Variants in ZNF765 observed in about 807,000 individuals in gnomAD.
The protein encoded by ZNF765 is zinc finger protein 765.
ZNF765 carries 37 observed loss-of-function variants against 44.7 expected under a neutral mutation model. The ratio of observed to expected loss-of-function variants is 0.83; its 90% CI spans 0.64 to 1.09. ZNF765 has a LOEUF of 1.09. Ranked by LOEUF, ZNF765 falls within the 50% of genes least tolerant of loss-of-function variation. ZNF765 has a pLI of 0.00. For missense variants in ZNF765, 594 were observed against 626.1 expected (o/e 0.95, Z 0.55); for synonymous variants, 201 against 213.7 (o/e 0.94, Z 0.52).
intron 3 of ZNF765, among the ~76,000 whole-genome samples, chr19:53,402,898 T>C (rs1429415823): frequency 2.0e-5 from 3 of 152,106 alleles, no homozygotes; most frequent in African/African-American, 7.2e-5. Flanking sequence ...TATGTGCAGC[T>C]GGGCATGGTG....
intron 3 of ZNF765, among the ~76,000 whole-genome samples, chr19:53,419,489 T>C (rs537036676): frequency 1.3e-5 from 2 of 152,288 alleles, no homozygotes; most frequent in East Asian, 3.9e-4. Flanking sequence ...AGGCAACATT[T>C]AGGGAACAGG....
exon 4 of ZNF765, chr19:53,425,985 T>G (rs1190183276): frequency 6.6e-6 from 1 of 152,322 alleles, no homozygotes; most frequent in African/African-American, 2.4e-5. Flanking sequence ...GTCTGTGTCT[T>G]TATTTATTAC....
chr19:53,401,424 G>A (rs1161797035), intron 2 of ZNF765, among the ~76,000 whole-genome samples: 5 of 152,168 alleles, frequency 3.3e-5, no homozygotes, highest in African/African-American at 4.8e-5. Context: ...TTAGCTGGGC[G>A]TGGTGGTGGG....
chr19:53,404,673 T>G (rs182675160), intron 3 of ZNF765, among the ~76,000 whole-genome samples: 88 of 152,078 alleles, frequency 5.8e-4, no homozygotes, highest in African/African-American at 2.0e-3. Context: ...TGTTAGCCAG[T>G]ATGTTCTTCA....
Position 53,408,591 on chromosome 19 carries a change from C to T in ZNF765, c.1036C>T (p.Arg346Cys), listed in dbSNP as rs370060271. The change falls in exon 4 of 4, where the codon CGT becomes TGT. Residue 346 changes from arginine (R) to cysteine (C), a missense_variant. Arg to Cys is a radical substitution (Grantham distance 180). Transcript: ENST00000396408. Reference sequence around the variant, plus strand: ...TCAGAAGTCGTACCTTACATGCCATCGTAGGCTTCATACTGGAGAGAAACC... The same window carrying T: ...TCAGAAGTCGTACCTTACATGCCATTGTAGGCTTCATACTGGAGAGAAACC... The part of the protein sequence containing the change: ...FSQKSYLTCH[R>C]RLHTGEKPYK... 3.8e-5 allele frequency: 61 copies of T among 1,613,500 alleles called. No individual in the cohort carries two copies. In the African/African-American group the frequency reaches 5.5e-4, roughly 14 times the overall value.
Position 53,408,506 on chromosome 19 carries a change from T to C in ZNF765, c.951T>C (p.His317=), listed in dbSNP as rs1428344017. The part of the protein sequence containing the change: ...AFHFKSKLQI[H]RRIHTGEKPY... ...ATTTCAAATCAAAGCTTCAAATACA[T>C]AGGAGAATTCATACTGGAGAGAAAC... Residue 317 remains histidine, a synonymous_variant, in exon 4 of 4, where the codon CAT becomes CAC. Coordinates refer to ENST00000396408, the MANE Select transcript of ZNF765 (RefSeq NM_001040185.3). 6.2e-7 allele frequency: 1 copy of C among 1,612,246 alleles called. No individual in the cohort carries two copies. The highest frequency in any genetic ancestry group is 1.3e-5 in the African/African-American group (1 of 74,756).
chr19:53,416,427 A>C (rs375802719), downstream of ZNF765, among the ~76,000 whole-genome samples: 17 of 152,264 alleles, frequency 1.1e-4, no homozygotes, highest in East Asian at 1.7e-3. Context: ...TAAAATTCAA[A>C]TGACTAGTAG....
rs2085818179 is a variant in ZNF765 at position 53,409,936 on chromosome 19, A to C, written c.*809A>C. 5.0e-6 allele frequency: 3 copies of C among 596,234 alleles called. No individual in the cohort carries two copies. The highest frequency in any genetic ancestry group is 9.8e-6 in the Non-Finnish European group (3 of 305,588). The allele number at this position is 596,234 out of a possible 1,614,324, so 36.9% of individuals were successfully genotyped here. On this transcript the variant is annotated 3_prime_UTR_variant, in exon 4 of 4. Transcript: ENST00000396408. ...TTTACAAATGTAATGATTGTCACCA[A>C]GTCTTGAGTAATGCTACAACTATTG... is the stretch of plus-strand genomic sequence containing the variant.
chr19:53,397,053 G>T (rs1275274089), intron 1 of ZNF765, among the ~76,000 whole-genome samples: 4 of 152,234 alleles, frequency 2.6e-5, no homozygotes, highest in Non-Finnish European at 4.4e-5. Context: ...GTTTTGAATC[G>T]ACTGAAGGAG....
intron 3 of ZNF765, 119 bp downstream of exon 3, chr19:53,402,310 G>T: frequency 2.7e-6 from 4 of 1,479,456 alleles, no homozygotes; most frequent in Non-Finnish European, 3.6e-6. Flanking sequence ...AGGCTGGAGT[G>T]CTGTGGCATG....
intron 2 of ZNF765, among the ~76,000 whole-genome samples, chr19:53,400,783 T>TATACACAC (rs10664389): frequency 1.6e-5 from 2 of 126,776 alleles, no homozygotes; most frequent in Admixed American, 8.0e-5. Context: ...TATATATATA[T>TATACACAC]ACACACATAC....
intron 3 of ZNF765, among the ~76,000 whole-genome samples, chr19:53,418,776 G>T (rs555475688): frequency 6.0e-4 from 91 of 151,956 alleles, no homozygotes; most frequent in African/African-American, 2.0e-3. Flanking sequence ...TTAGTGGTGG[G>T]CCCCTGTAAT....
At chr19:53,405,931 AT>A (rs1232750538) in intron 3 of ZNF765, among the ~76,000 whole-genome samples, 13 of 81,806 alleles carry the variant, frequency 1.6e-4, no homozygotes, top group Non-Finnish European at 2.2e-4. Flanking sequence ...ATATATATAT[AT>A]ATATATATAT....
intron 1 of ZNF765, among the ~76,000 whole-genome samples, chr19:53,397,094 G>C (rs1254163485): frequency 1.3e-5 from 2 of 152,260 alleles, no homozygotes; most frequent in African/African-American, 4.8e-5. Flanking sequence ...GGACTCGGGA[G>C]TCTACTTTGT....
At chr19:53,401,029 G>A (rs528020958) in intron 2 of ZNF765, among the ~76,000 whole-genome samples, 1 of 151,072 alleles carries the variant, frequency 6.6e-6, no homozygotes, top group Non-Finnish European at 1.5e-5. Flanking sequence ...TTTGGAGATG[G>A]AGTATCTGTT....
intron 2 of ZNF765, among the ~76,000 whole-genome samples, chr19:53,398,834 C>T (rs1227191413): frequency 6.6e-6 from 1 of 152,126 alleles, no homozygotes; most frequent in Non-Finnish European, 1.5e-5. Context: ...ACAGCAACCT[C>T]CACCTTCCGG....
chr19:53,419,823 G>C (rs927437691), intron 3 of ZNF765, among the ~76,000 whole-genome samples: 22 of 149,878 alleles, frequency 1.5e-4, no homozygotes, highest in African/African-American at 5.4e-4. Context: ...TTCGAGACCA[G>C]CCTGGCCAAC....
In ZNF765 at chr19:53,408,808, A is replaced by G. The variant is rs1275103252; in HGVS notation, c.1253A>G (p.Lys418Arg). 2 of 1,614,206 alleles carry G rather than the reference A, an allele frequency of 1.2e-6. No homozygotes were observed. The highest frequency in any genetic ancestry group is 3.3e-5 in the Admixed American group (2 of 60,024). ...CCTTACAAGTGTAATGAGTGTGGCA[A>G]GACCTTCAATCAGCAGTTAACCCTT... Reference protein sequence around the residue: ...EKPYKCNECGKTFNQQLTLNI... With the variant: ...EKPYKCNECGRTFNQQLTLNI... Residue 418 changes from lysine to arginine, a missense_variant, in exon 4 of 4, where the codon AAG (lysine) becomes AGG (arginine). Physicochemically the swap from Lys to Arg is conservative, Grantham distance 26 (BLOSUM62 2). Transcript: ENST00000396408.
intron 2 of ZNF765, among the ~76,000 whole-genome samples, chr19:53,398,379 A>G (rs1600046480): frequency 1.3e-5 from 2 of 152,310 alleles, no homozygotes; most frequent in South Asian, 2.1e-4. Flanking sequence ...GATTAGAGCA[A>G]CTGCCAATGG....
Sources: gnomAD v4.1 joint callset for allele counts (sites outside exome capture counted in the v4.1 genomes callset) on GRCh38, gnomAD v4.1.1 for gene constraint, MANE v1.5 for transcripts, NCBI Gene and HGNC (gene_info 2026-07-23, HGNC 2026-07-21) for gene names.